Variants in TXNDC8 observed in about 807,000 individuals in gnomAD.
TXNDC8 encodes thioredoxin domain-containing protein 8.
Under a neutral mutation model 12.9 loss-of-function variants are expected in TXNDC8, and 15 were observed. The observed-to-expected ratio is 1.16, with a 90% CI of 0.78 to 1.79. The LOEUF is 1.79. Ranked by LOEUF, TXNDC8 falls within the 40% of genes most tolerant of loss-of-function variation. The pLI is 0.00. For missense variants in TXNDC8, 128 were observed against 113.2 expected, an observed-to-expected ratio of 1.13 and a Z score of -0.59; for synonymous variants, 40 against 35.4, an observed-to-expected ratio of 1.13 and a Z score of -0.46.
chr9:110,317,454 A>T (rs1304884182), intron 3 of TXNDC8, among the ~76,000 whole-genome samples: 1 of 152,222 alleles, frequency 6.6e-6, no homozygotes, highest in African/African-American at 2.4e-5. Context: ...TGCTCTGCTC[A>T]AGGGACAGGT....
intron 3 of TXNDC8, among the ~76,000 whole-genome samples, chr9:110,306,222 C>T (rs999596648): frequency 6.6e-6 from 1 of 152,196 alleles, no homozygotes; most frequent in Non-Finnish European, 1.5e-5. Flanking sequence ...CTAGCTCTAG[C>T]TCTGCATCCT....
At chr9:110,302,359 C>T (rs1838287764), downstream of TXNDC8, among the ~76,000 whole-genome samples, 1 of 152,158 alleles carries the variant, frequency 6.6e-6, no homozygotes, top group African/African-American at 2.4e-5. Context: ...TGGTCTCAAA[C>T]TCCTGGGCTC....
intron 2 of TXNDC8, chr9:110,329,274 G>T: frequency 1.2e-6 from 2 of 1,609,902 alleles, no homozygotes; most frequent in Non-Finnish European, 1.7e-6. Context: ...ATACATTTTG[G>T]TATTTCACAG....
At chr9:110,331,373 C>T (rs1169260223) in intron 2 of TXNDC8, among the ~76,000 whole-genome samples, 2 of 152,182 alleles carry the variant, frequency 1.3e-5, no homozygotes, top group African/African-American at 2.4e-5. Context: ...CCAATCATGG[C>T]CTCCCGTTTC....
chr9:110,304,630 G>T (rs962647884), intron 3 of TXNDC8, 98 bp from the exon 5 acceptor site: 2 of 1,155,236 alleles, frequency 1.7e-6, no homozygotes, highest in Non-Finnish European at 2.4e-6. Flanking sequence ...AGGGAAGGAA[G>T]GTGTCAGAAA....
At chr9:110,323,070 G>C (rs541634536) in intron 3 of TXNDC8, 4 of 985,274 alleles carry the variant, frequency 4.1e-6, no homozygotes, top group Admixed American at 1.2e-4. Flanking sequence ...AGGCAATGGA[G>C]GGGGAGGACA....
chr9:110,312,694 G>A (rs1271682864), intron 3 of TXNDC8, among the ~76,000 whole-genome samples: 1 of 152,186 alleles, frequency 6.6e-6, no homozygotes, highest in East Asian at 1.9e-4. Context: ...TTGCTGCACT[G>A]TATACAAATA....
chr9:110,336,965 A>T (rs929353222), intron 1 of TXNDC8, among the ~76,000 whole-genome samples: 1 of 152,232 alleles, frequency 6.6e-6, no homozygotes, highest in South Asian at 2.1e-4. Flanking sequence ...TCCCCAGAAT[A>T]TTAAAACAAT....
chr9:110,328,492 G>C lies in TXNDC8; in HGVS notation c.130-2252C>G, dbSNP rs561953033. On this transcript the variant is annotated intron_variant, in intron 2 of 4. Transcript: ENST00000423740. Reference sequence around the variant, plus strand: ...CAAAATATATTAAGATGTCTGTAATGCACTGAGGTAGGTTTTAGAAGTTGA... The same window carrying C: ...CAAAATATATTAAGATGTCTGTAATCCACTGAGGTAGGTTTTAGAAGTTGA... Among the ~76,000 whole-genome samples the C allele has an allele frequency of 9.8e-5, 15 of 152,336 alleles. No individual in the cohort carries two copies. The South Asian group carries it at 1.7e-3, about 17-fold the overall frequency.
chr9:110,317,136 T>C (rs923682129), intron 3 of TXNDC8, among the ~76,000 whole-genome samples: 5 of 152,164 alleles, frequency 3.3e-5, no homozygotes, highest in Middle Eastern at 3.2e-3. Flanking sequence ...GGAATTCACC[T>C]CAAGCCACAC....
intron 3 of TXNDC8, among the ~76,000 whole-genome samples, chr9:110,317,604 C>T (rs113613218): frequency 0.031 from 4,716 of 152,300 alleles, 229 homozygotes; most frequent in African/African-American, 0.11. Flanking sequence ...CCTCTTTTAC[C>T]TGCACAGGTA....
At chr9:110,305,593 T>TC (rs1838418530) in intron 3 of TXNDC8, among the ~76,000 whole-genome samples, 1 of 139,066 alleles carries the variant, frequency 7.2e-6, no homozygotes, top group African/African-American at 3.2e-5. Context: ...TTTCTTTCTT[T>TC]CTTTCTTTCT....
chr9:110,303,566 T>C lies in TXNDC8; in HGVS notation c.*116A>G, dbSNP rs2118671443. 6.5e-7 allele frequency: 1 copy of C among 1,537,898 alleles called. No individual in the cohort carries two copies. Among genetic ancestry groups the C allele is most frequent in the Non-Finnish European group, 8.8e-7 (1 of 1,136,680 alleles). On this transcript the variant is annotated 3_prime_UTR_variant, in exon 5 of 5. Transcript: ENST00000423740. The stretch of plus-strand genomic sequence containing the variant: ...TGGCTTCCAATTTTTTAGCATCGGC[T>C]CCACAAAACTCAAAAATCTGTTCAC...
At chr9:110,335,467 T>C (rs1330874868) in intron 1 of TXNDC8, among the ~76,000 whole-genome samples, 1 of 152,204 alleles carries the variant, frequency 6.6e-6, no homozygotes, top group Non-Finnish European at 1.5e-5. Context: ...CTTTTCCTTT[T>C]CTCACTGGAA....
At chr9:110,324,116 G>A in intron 3 of TXNDC8, 1 of 1,328,620 alleles carries the variant, frequency 7.5e-7, no homozygotes, top group Non-Finnish European at 1.0e-6. Context: ...TAAACTCCAA[G>A]TTTTAAAGAG....
At chr9:110,303,732 A>T in intron 4 of TXNDC8, 149 bp from the exon 6 acceptor site, 1 of 1,539,950 alleles carries the variant, frequency 6.5e-7, no homozygotes, top group Non-Finnish European at 8.8e-7. Context: ...TATACATTAA[A>T]CACATTAAAT....
intron 2 of TXNDC8, among the ~76,000 whole-genome samples, chr9:110,332,482 T>G (rs1839583548): frequency 6.6e-6 from 1 of 152,196 alleles, no homozygotes; most frequent in Non-Finnish European, 1.5e-5. Context: ...TGGTTAAAAT[T>G]AACTCAGGCT....
intron 3 of TXNDC8, among the ~76,000 whole-genome samples, chr9:110,318,630 TG>T: frequency 6.6e-6 from 1 of 152,044 alleles, no homozygotes; most frequent in East Asian, 1.9e-4. Flanking sequence ...CCCAGCTACT[TG>T]GGAGGCTGAG....
chr9:110,330,986 C>T lies in TXNDC8; in HGVS notation c.129+3230G>A, dbSNP rs114538947. Among the ~76,000 whole-genome samples the T allele has an allele frequency of 3.4e-3, 510 of 151,978 alleles. 5 individuals are homozygous for T. The highest frequency in any genetic ancestry group is 0.012 in the African/African-American group (481 of 41,434). The stretch of plus-strand genomic sequence containing the variant: ...TAGTAAACTTTTAGTTTTTGTGTGT[C>T]TGAAAATGTCTTGAATTCTTTCCCT... On this transcript the variant is annotated intron_variant, in intron 2 of 4. Transcript: ENST00000423740.
Sources: allele counts gnomAD v4.1 joint callset (sites outside exome capture counted in the v4.1 genomes callset), GRCh38; gene constraint gnomAD v4.1.1; transcripts MANE v1.5; gene names NCBI Gene and HGNC (gene_info 2026-07-23, HGNC 2026-07-21).